Variants in CARS2 observed in about 807,000 individuals in gnomAD.
CARS2 encodes cysteinyl-tRNA synthetase 2, mitochondrial, also known as probable cysteine--tRNA ligase, mitochondrial.
A neutral mutation model predicts 68.8 loss-of-function variants in CARS2; 52 were observed. The observed-to-expected ratio is 0.76, with a 90% CI of 0.61 to 0.95. The LOEUF is 0.95. Ranked by LOEUF, CARS2 falls within the 40% of genes least tolerant of loss-of-function variation. CARS2 has a pLI of 0.00. For synonymous variants in CARS2, 314 were observed against 303.6 expected, an observed-to-expected ratio of 1.03 and a Z score of -0.36; for missense variants, 780 against 754.2, an observed-to-expected ratio of 1.03 and a Z score of -0.40.
Position 110,663,485 on chromosome 13 carries a change from A to G in CARS2, c.953T>C (p.Met318Thr), listed in dbSNP as rs752408531. The change falls in exon 9 of 15, where the codon ATG (methionine) becomes ACG (threonine). Residue 318 changes from methionine (M) to threonine (T), a missense_variant. Coordinates refer to ENST00000257347, the MANE Select transcript of CARS2 (RefSeq NM_024537.4). ...HLHAKGKEEKMSKSLKNYITI... is the reference protein window; with the variant it reads ...HLHAKGKEEKTSKSLKNYITI... ...AATGTAGTTCTTTAATGATTTGGAC[A>G]TTTTTTCTTCTTTGCCTTTGGCGTG... 4.3e-6 allele frequency: 7 copies of G among 1,613,936 alleles called. No individual in the cohort carries two copies. The South Asian group carries it at 6.6e-5, about 15-fold the overall frequency.
chr13:110,693,638 C>T (rs954399563), intron 3 of CARS2, among the ~76,000 whole-genome samples: 6 of 152,114 alleles, frequency 3.9e-5, no homozygotes, highest in African/African-American at 9.7e-5. Context: ...GGATTACAGG[C>T]GTGAGCCACC....
chr13:110,701,597 T>A, intron 2 of CARS2, 42 bp from the exon 3 acceptor site: 1 of 868,268 alleles, frequency 1.2e-6, no homozygotes, highest in Non-Finnish European at 2.0e-6. Context: ...TTACACAAAG[T>A]CATCAGTTAT....
intron 7 of CARS2, among the ~76,000 whole-genome samples, chr13:110,669,789 T>C (rs1053066306): frequency 6.6e-6 from 1 of 151,516 alleles, no homozygotes; most frequent in African/African-American, 2.4e-5. Context: ...GTGTGAGGGG[T>C]CGGGGAATTC....
chr13:110,706,138 C>T, upstream of CARS2: 1 of 1,266,790 alleles, frequency 7.9e-7, no homozygotes, highest in South Asian at 2.4e-5. Flanking sequence ...GGAGCCACGC[C>T]GGGTACGCTG....
intron 10 of CARS2, chr13:110,650,680 G>A (rs2062182797): frequency 8.4e-6 from 2 of 238,038 alleles, no homozygotes; most frequent in Non-Finnish European, 1.6e-5. Flanking sequence ...GCAGGGTCAC[G>A]TTTGAGGGCT....
At chr13:110,657,418 A>G (rs2062398850) in intron 9 of CARS2, among the ~76,000 whole-genome samples, 1 of 152,202 alleles carries the variant, frequency 6.6e-6, no homozygotes, top group Non-Finnish European at 1.5e-5. Context: ...TGGGTAGGAA[A>G]GCAAAAGGCA....
upstream of CARS2, among the ~76,000 whole-genome samples, chr13:110,711,308 T>G (rs1447025249): frequency 6.6e-6 from 1 of 152,134 alleles, no homozygotes; most frequent in African/African-American, 2.4e-5. Context: ...CCTCCCCTCC[T>G]AGGTTCAAGT....
At chr13:110,682,557 T>C (rs1246190005) in intron 6 of CARS2, among the ~76,000 whole-genome samples, 1 of 152,260 alleles carries the variant, frequency 6.6e-6, no homozygotes, top group African/African-American at 2.4e-5. Flanking sequence ...CAAATTATTT[T>C]AAATTTAGTT....
chr13:110,680,144 C>T (rs1403730863), intron 6 of CARS2, among the ~76,000 whole-genome samples: 1 of 5,518 alleles, frequency 1.8e-4, no homozygotes, highest in Non-Finnish European at 4.4e-4. Context: ...CTTTGGGAGG[C>T]CGAGGGGGGG....
At position 110,644,479 on chromosome 13, in the gene CARS2, G is replaced by A. The variant is rs1234666224; in HGVS notation, c.1322C>T (p.Pro441Leu). The change falls in exon 13 of 15, where the codon CCT (proline) becomes CTT (leucine). Residue 441 changes from proline to leucine, a missense_variant. Coordinates refer to ENST00000257347, the MANE Select transcript of CARS2 (RefSeq NM_024537.4). ...CACAGCAGGACTTCTCGGCCCTTCA[G>A]GTTCCTGTAAGAGATCATGTCGCAG... ...NGQLRASLKE[P>L]EGPRSPAVFG... The A allele has an allele frequency of 6.2e-7, 1 of 1,614,020 alleles. No homozygotes were observed. Among genetic ancestry groups the A allele is most frequent in the Non-Finnish European group, 8.5e-7 (1 of 1,180,000 alleles).
chr13:110,694,527 C>T (rs1157115490), intron 3 of CARS2, among the ~76,000 whole-genome samples: 1 of 151,952 alleles, frequency 6.6e-6, no homozygotes, highest in Non-Finnish European at 1.5e-5. Context: ...GTCCCAGGTA[C>T]TCGGGAGGCT....
At chr13:110,671,088 T>C (rs1405021618) in intron 7 of CARS2, among the ~76,000 whole-genome samples, 2 of 151,728 alleles carry the variant, frequency 1.3e-5, no homozygotes, top group East Asian at 1.9e-4. Context: ...CTGCGTCTGA[T>C]TGGTGTACCT....
chr13:110,641,930 A>G (rs1471171932), intron 14 of CARS2, among the ~76,000 whole-genome samples: 1 of 152,210 alleles, frequency 6.6e-6, no homozygotes, highest in African/African-American at 2.4e-5. Flanking sequence ...GGCAGGGCGC[A>G]GTGGCTCACG....
At position 110,687,702 on chromosome 13, in the gene CARS2, A is replaced by G; in HGVS notation, c.571+19T>C. 6.8e-7 allele frequency: 1 copy of G among 1,479,574 alleles called. No homozygotes were observed. Among genetic ancestry groups the G allele is most frequent in the Non-Finnish European group, 9.2e-7 (1 of 1,085,362 alleles). The allele number at this position is 1,479,574 out of a possible 1,614,324, so 91.7% of individuals were successfully genotyped here. On this transcript the variant is annotated intron_variant, in intron 5 of 14. Transcript: ENST00000257347. ...TCAAAAAAAAAAAAAGAAAAAAAAA[A>G]AAAGAACATAAACCCTACCTTTTGC...
At chr13:110,708,823 G>A (rs2064003839), upstream of CARS2, among the ~76,000 whole-genome samples, 3 of 24,056 alleles carry the variant, frequency 1.2e-4, no homozygotes, top group African/African-American at 2.0e-4. Flanking sequence ...GCACGATCTC[G>A]GCTCACTGCA....
At chr13:110,669,320 A>G (rs539754476) in intron 7 of CARS2, among the ~76,000 whole-genome samples, 5 of 152,296 alleles carry the variant, frequency 3.3e-5, no homozygotes, top group African/African-American at 4.8e-5. Context: ...TGAATGGAGC[A>G]GAGTCCTCGT....
chr13:110,711,488 A>G (rs1232660572), intron 1 of CARS2, among the ~76,000 whole-genome samples: 3 of 152,264 alleles, frequency 2.0e-5, no homozygotes, highest in Non-Finnish European at 4.4e-5. Context: ...TGGTAGGATT[A>G]CAGGCGTGAG....
In CARS2 at chr13:110,698,271, G is replaced by A. The variant is rs1269628709; in HGVS notation, c.393+3167C>T. ...GTGGTGGCTCACACCTGTAATCCTA[G>A]CACTTTGGGAGGCCGAGGAGGGCGG... On this transcript the variant is annotated intron_variant, in intron 3 of 14. Transcript: ENST00000257347. Among the ~76,000 whole-genome samples the A allele has an allele frequency of 4.6e-5, 7 of 152,118 alleles. No homozygotes were observed. The East Asian group carries it at 1.3e-3, about 29-fold the overall frequency.
intron 8 of CARS2, chr13:110,664,084 TTAAGGAACTCC>T (rs77878407): frequency 0.11 from 104,041 of 983,192 alleles, 5,966 homozygotes; most frequent in Middle Eastern, 0.15. Context: ...CCAAACTCAT[TTAAGGAACTCC>T]TGAATCTGAC....
Sources: allele counts gnomAD v4.1 joint callset (sites outside exome capture counted in the v4.1 genomes callset), GRCh38; gene constraint gnomAD v4.1.1; transcripts MANE v1.5; gene names NCBI Gene and HGNC (gene_info 2026-07-23, HGNC 2026-07-21).